The following EPHA8 variants were observed in gnomAD, a reference collection of about 807,000 sequenced individuals.
EPHA8 encodes the protein EPH receptor A8.
In EPHA8, 58 loss-of-function variants were observed where a neutral mutation model predicts 103.6. The observed-to-expected ratio is 0.56, with a 90% CI of 0.45 to 0.70. The LOEUF is 0.70. Ranked by LOEUF, EPHA8 falls within the 30% of genes least tolerant of loss-of-function variation. The pLI is 0.00. For synonymous variants in EPHA8, 559 were observed against 572.5 expected (o/e 0.98, Z 0.34); for missense variants, 1,304 against 1,395.2 (o/e 0.93, Z 1.04).
At chr1:22,578,434 ACGTGTGTG>A (rs1253392505) in intron 3 of EPHA8, among the ~76,000 whole-genome samples, 11 of 72,088 alleles carry the variant, frequency 1.5e-4, no homozygotes, top group African/African-American at 4.8e-4. Context: ...ACGTATGTGT[ACGTGTGTG>A]CATGTGTGCG....
At chr1:22,579,895 C>G (rs1482979428) in intron 3 of EPHA8, among the ~76,000 whole-genome samples, 1 of 152,142 alleles carries the variant, frequency 6.6e-6, no homozygotes, top group Non-Finnish European at 1.5e-5. Context: ...TGAGAGGGAC[C>G]TTTAGTCCTC....
At position 22,597,490 on chromosome 1, in the gene EPHA8, G is replaced by T. The variant is rs1341794970; in HGVS notation, c.1930+14G>T. ...TCATCGGCTCTGGTGAGTCTCAGGGGTTGTGAGGGCGGGGCCAGCATGGGG... is the reference window on the plus strand; with the variant it reads ...TCATCGGCTCTGGTGAGTCTCAGGGTTTGTGAGGGCGGGGCCAGCATGGGG... On this transcript the variant is annotated intron_variant, in intron 10 of 16. Transcript: ENST00000166244. This position sits in a 1 kb window ranked among gnomAD's most constrained non-coding sequence, Gnocchi z 4.6. 6.2e-7 allele frequency: 1 copy of T among 1,609,946 alleles called. No homozygotes were observed. The highest frequency in any genetic ancestry group is 8.5e-7 in the Non-Finnish European group (1 of 1,178,034).
At position 22,597,968 on chromosome 1, in the gene EPHA8, CTCT is replaced by C; in HGVS notation, c.2116+109_2116+111del. 2 of 1,490,068 alleles carry C rather than the reference CTCT, an allele frequency of 1.3e-6. No homozygotes were observed. The highest frequency in any genetic ancestry group is 1.2e-5 in the South Asian group (1 of 82,738). The allele number at this position is 1,490,068 out of a possible 1,614,324, so 92.3% of individuals were successfully genotyped here. On this transcript the variant is annotated intron_variant, in intron 11 of 16. Coordinates refer to ENST00000166244, the MANE Select transcript of EPHA8 (RefSeq NM_020526.5). The surrounding 1 kb of genome is among the most constrained non-coding windows in gnomAD (Gnocchi z 4.6). Reference sequence around the variant, plus strand: ...CTGCTCTGCCCCACCTGACCCTGTCCTCTTGGTTCAGGTCCCTGAATGACTCGG... The same window carrying C: ...CTGCTCTGCCCCACCTGACCCTGTCCTGGTTCAGGTCCCTGAATGACTCGG...
chr1:22,583,666 C>T (rs1226418402), intron 3 of EPHA8, among the ~76,000 whole-genome samples: 1 of 152,270 alleles, frequency 6.6e-6, no homozygotes, highest in Non-Finnish European at 1.5e-5. Context: ...GTCATGCTTG[C>T]CATCTCCCTC....
intron 2 of EPHA8, among the ~76,000 whole-genome samples, chr1:22,571,897 AGTGGTGGTGCAC>A (rs1169625207): frequency 6.6e-6 from 1 of 151,996 alleles, no homozygotes; most frequent in Non-Finnish European, 1.5e-5. Context: ...ATTAGCTGAG[AGTGGTGGTGCAC>A]GCTTGTGGTC....
intron 3 of EPHA8, among the ~76,000 whole-genome samples, chr1:22,583,603 TAAC>T (rs1396261101): frequency 6.6e-6 from 1 of 152,262 alleles, no homozygotes; most frequent in African/African-American, 2.4e-5. Flanking sequence ...CAAATTGTTA[TAAC>T]AACAAGTGCC....
In EPHA8 at chr1:22,588,858, C is replaced by T; in HGVS notation, c.980-13C>T. The T allele has an allele frequency of 6.4e-7, 1 of 1,568,096 alleles. No homozygotes were observed. On this transcript the variant is annotated splice_polypyrimidine_tract_variant and intron_variant, in intron 4 of 16. Transcript: ENST00000166244. ...AAATAACCACTGCCCCATCTGTCAT[C>T]CTCTGCCCTCAGGGCCACCCTCGGC...
Position 22,597,759 on chromosome 1 carries a change from G to A in EPHA8, c.2014G>A (p.Gly672Ser), listed in dbSNP as rs757472636. 1.1e-5 allele frequency: 18 copies of A among 1,613,232 alleles called. No homozygotes were observed. Among genetic ancestry groups the A allele is most frequent in the Admixed American group, 6.7e-5 (4 of 60,026 alleles). The stretch of plus-strand genomic sequence containing the variant: ...CGTGGCCATCAAGGCCCTCAAAGCC[G>A]GCTACACGGAGAGACAGAGGCGGGA... ...VPVAIKALKA[G>S]YTERQRRDFL... Residue 672 changes from glycine to serine, a missense_variant, in exon 11 of 17, where the codon GGC becomes AGC. By Grantham distance (56) the Gly-to-Ser change is moderately conservative. Transcript: ENST00000166244. The surrounding 1 kb of genome is among the most constrained non-coding windows in gnomAD (Gnocchi z 4.6).
At chr1:22,594,406 C>T (rs1452046246) in intron 7 of EPHA8, among the ~76,000 whole-genome samples, 1 of 152,230 alleles carries the variant, frequency 6.6e-6, no homozygotes, top group African/African-American at 2.4e-5. Flanking sequence ...CCAGCAGCAT[C>T]GGTCTCACCT....
At chr1:22,578,163 AGTGTATGTGTGCATGT>A (rs144587095) in intron 3 of EPHA8, among the ~76,000 whole-genome samples, 18,285 of 66,256 alleles carry the variant, frequency 0.28, 1,161 homozygotes, top group South Asian at 0.4. Context: ...TGTGTGCATG[AGTGTATGTGTGCATGT>A]GTGTGCGTGC....
At chr1:22,566,119 C>T (rs1369374704) in intron 1 of EPHA8, among the ~76,000 whole-genome samples, 1 of 152,232 alleles carries the variant, frequency 6.6e-6, no homozygotes, top group East Asian at 1.9e-4. Context: ...AGGCCACTCT[C>T]AGAGCTTTTG....
intron 1 of EPHA8, among the ~76,000 whole-genome samples, chr1:22,566,339 A>G (rs1486778222): frequency 6.6e-6 from 1 of 152,202 alleles, no homozygotes; most frequent in Non-Finnish European, 1.5e-5. Context: ...AGGGAATGTA[A>G]ATCAATTTAA....
At position 22,587,339 on chromosome 1, in the gene EPHA8, G is replaced by A. The variant is rs191553986; in HGVS notation, c.979+704G>A. On this transcript the variant is annotated intron_variant, in intron 4 of 16. Transcript: ENST00000166244. ...TGTGTACATCTGGGTACCTGAAGGG[G>A]ACTCAGAAGTCCTTGTAAAGCTTGA... Among the ~76,000 whole-genome samples, 562 of 152,330 alleles carry A rather than the reference G, an allele frequency of 3.7e-3. 2 individuals carry two copies. Among genetic ancestry groups the A allele is most frequent in the Non-Finnish European group, 6.8e-3 (462 of 68,030 alleles).
Position 22,574,418 on chromosome 1 carries a change from C to G in EPHA8, c.160-1799C>G, listed in dbSNP as rs115131664. ...GTGTGGCCATCACCACCACCACTGC[C>G]AGAACTCCGTTCATCCTGCAAAACG... is the stretch of plus-strand genomic sequence containing the variant. On this transcript the variant is annotated intron_variant, in intron 2 of 16. Coordinates refer to ENST00000166244, the MANE Select transcript of EPHA8 (RefSeq NM_020526.5). Among the ~76,000 whole-genome samples the G allele has an allele frequency of 5.0e-3, 754 of 152,318 alleles. 3 individuals are homozygous for G. Among genetic ancestry groups the G allele is most frequent in the African/African-American group, 0.017 (703 of 41,564 alleles).
In EPHA8 at chr1:22,595,461, A is replaced by G. The variant is rs562959987; in HGVS notation, c.1697+138A>G. 9.6e-5 allele frequency: 60 copies of G among 625,416 alleles called. No homozygotes were observed. In the East Asian group the frequency reaches 1.7e-3, roughly 17 times the overall value. The allele number at this position is 625,416 out of a possible 1,614,324, so 38.7% of individuals were successfully genotyped here. A position where few individuals can be genotyped will look rare whatever the true frequency, so the allele number is the denominator to read the frequency against. Reference sequence around the variant, plus strand: ...ACAAACACACCACCTCATTTAACCTAGTGACATGCCAGTGATGTAGAGATT... The same window carrying G: ...ACAAACACACCACCTCATTTAACCTGGTGACATGCCAGTGATGTAGAGATT... On this transcript the variant is annotated intron_variant, in intron 8 of 16. Transcript: ENST00000166244.
chr1:22,600,939 C>T lies in EPHA8; in HGVS notation c.2580C>T (p.Pro860=). The change falls in exon 15 of 17, where the codon CCC becomes CCT. Residue 860 remains proline, a synonymous_variant. Coordinates refer to ENST00000166244, the MANE Select transcript of EPHA8 (RefSeq NM_020526.5). The part of the protein sequence containing the change: ...SVEEGYRLPA[P]MGCPHALHQL... The stretch of plus-strand genomic sequence containing the variant: ...AGGAGGGGTACCGCCTGCCCGCACC[C>T]ATGGGCTGCCCCCACGCCCTGCACC... The T allele has an allele frequency of 6.2e-7, 1 of 1,612,374 alleles. No homozygotes were observed. The highest frequency in any genetic ancestry group is 8.5e-7 in the Non-Finnish European group (1 of 1,179,526).
intron 1 of EPHA8, among the ~76,000 whole-genome samples, chr1:22,568,553 A>G (rs183953682): frequency 1.3e-5 from 2 of 152,296 alleles, no homozygotes; most frequent in African/African-American, 2.4e-5. Flanking sequence ...TGTAAAATGG[A>G]GGTAATACTG....
At chr1:22,580,492 C>T (rs1431420139) in intron 3 of EPHA8, among the ~76,000 whole-genome samples, 1 of 152,126 alleles carries the variant, frequency 6.6e-6, no homozygotes, top group Non-Finnish European at 1.5e-5. Flanking sequence ...TTCTATGAGT[C>T]TTCTCCTGTC....
chr1:22,588,840 C>A, intron 4 of EPHA8, 31 bp from the exon 5 acceptor site: 1 of 1,547,926 alleles, frequency 6.5e-7, no homozygotes, highest in South Asian at 1.2e-5. Flanking sequence ...AATAAATAAC[C>A]ACTGCCCCAT....
Sources: gnomAD v4.1 joint callset for allele counts (sites outside exome capture counted in the v4.1 genomes callset) on GRCh38, gnomAD v4.1.1 for gene constraint, Gnocchi (gnomAD v3.1) non-coding constraint, MANE v1.5 for transcripts, NCBI Gene and HGNC (gene_info 2026-07-23, HGNC 2026-07-21) for gene names.